The following MYO3B variants were observed in gnomAD, a reference collection of about 807,000 sequenced individuals.
MYO3B encodes the protein myosin-IIIb.
In MYO3B, 156 loss-of-function variants were observed where a neutral mutation model predicts 174.6. The ratio of observed to expected loss-of-function variants is 0.89; its 90% CI spans 0.78 to 1.02. The LOEUF (loss-of-function observed/expected upper bound fraction) is 1.02, where lower values mean the gene tolerates loss of function less well. Ranked by LOEUF, MYO3B falls within the 50% of genes least tolerant of loss-of-function variation. The probability of loss-of-function intolerance (pLI) is 0.00; values close to 1 mark genes in which losing one functional copy is unlikely to be tolerated. For missense variants in MYO3B, 1,632 were observed against 1,639.4 expected, an observed-to-expected ratio of 1.00 and a Z score of 0.08; for synonymous variants, 563 against 569.1, an observed-to-expected ratio of 0.99 and a Z score of 0.15.
intron 1 of MYO3B, among the ~76,000 whole-genome samples, chr2:170,183,203 G>C (rs2092424502): frequency 6.6e-6 from 1 of 152,112 alleles, no homozygotes; most frequent in Non-Finnish European, 1.5e-5. Context: ...GTTGCAGTGA[G>C]CTGAGATCAC....
At chr2:170,516,368 G>A (rs976359505) in intron 29 of MYO3B, among the ~76,000 whole-genome samples, 6 of 151,840 alleles carry the variant, frequency 4.0e-5, no homozygotes, top group Admixed American at 1.3e-4. Flanking sequence ...AGAGATGGGC[G>A]CGGTGGCTCA....
chr2:170,648,725 A>ATATTCTAT (rs1559199981), intron 32 of MYO3B, among the ~76,000 whole-genome samples: 1 of 29,998 alleles, frequency 3.3e-5, no homozygotes, highest in African/African-American at 7.9e-5. Context: ...ATAATATGTA[A>ATATTCTAT]AATATATATT....
intron 32 of MYO3B, among the ~76,000 whole-genome samples, chr2:170,607,240 A>G (rs1200781610): frequency 6.6e-6 from 1 of 152,216 alleles, no homozygotes; most frequent in Non-Finnish European, 1.5e-5. Context: ...AAGTGTACAT[A>G]TTTAGTTTAA....
At chr2:170,323,961 G>A (rs2093847089) in intron 7 of MYO3B, among the ~76,000 whole-genome samples, 1 of 152,180 alleles carries the variant, frequency 6.6e-6, no homozygotes, top group Admixed American at 6.5e-5. Flanking sequence ...TAGCACTCAT[G>A]ACTGAGTTGG....
At chr2:170,201,718 AC>A (rs1235462924) in intron 3 of MYO3B, among the ~76,000 whole-genome samples, 1 of 60,504 alleles carries the variant, frequency 1.7e-5, no homozygotes, top group Non-Finnish European at 3.5e-5. Context: ...CCCCACCCCC[AC>A]CCCAAGAATA....
chr2:170,603,222 C>T (rs1462120808), intron 32 of MYO3B, among the ~76,000 whole-genome samples: 1 of 152,108 alleles, frequency 6.6e-6, no homozygotes, highest in Non-Finnish European at 1.5e-5. Flanking sequence ...TTACTTAGGT[C>T]CATGAAATCC....
chr2:170,329,889 A>C (rs948233338), intron 7 of MYO3B, among the ~76,000 whole-genome samples: 2 of 152,224 alleles, frequency 1.3e-5, no homozygotes, highest in Admixed American at 6.5e-5. Flanking sequence ...ACCAATTGTA[A>C]TCAGAATGGC....
At chr2:170,226,701 G>A (rs1214970078) in intron 6 of MYO3B, among the ~76,000 whole-genome samples, 1 of 152,106 alleles carries the variant, frequency 6.6e-6, no homozygotes, top group African/African-American at 2.4e-5. Context: ...CTATCTGAGG[G>A]CTTTAGATCC....
intron 32 of MYO3B, among the ~76,000 whole-genome samples, chr2:170,574,025 A>C (rs150680335): frequency 0.024 from 3,608 of 152,282 alleles, 66 homozygotes; most frequent in East Asian, 0.047. Context: ...GAGGGCCAAG[A>C]AAGCAAAATG....
At chr2:170,218,870 C>G (rs530256105) in intron 6 of MYO3B, among the ~76,000 whole-genome samples, 1 of 152,302 alleles carries the variant, frequency 6.6e-6, no homozygotes, top group East Asian at 1.9e-4. Flanking sequence ...GTGAATCCCA[C>G]TTTGAGAAGC....
intron 32 of MYO3B, among the ~76,000 whole-genome samples, chr2:170,651,219 T>A (rs1698989106): frequency 6.6e-6 from 1 of 152,220 alleles, no homozygotes; most frequent in Non-Finnish European, 1.5e-5. Flanking sequence ...CAAGAGTATG[T>A]GTGCTCCAGA....
intron 32 of MYO3B, among the ~76,000 whole-genome samples, chr2:170,640,185 C>T (rs1359200076): frequency 6.6e-6 from 1 of 152,146 alleles, no homozygotes; most frequent in Non-Finnish European, 1.5e-5. Context: ...GAACCCTACC[C>T]CTGACCAATT....
chr2:170,622,288 C>A (rs1695989973), intron 32 of MYO3B, among the ~76,000 whole-genome samples: 1 of 152,122 alleles, frequency 6.6e-6, no homozygotes, highest in African/African-American at 2.4e-5. Context: ...TGCCTTAATC[C>A]TTTCACAATG....
chr2:170,361,333 T>C (rs1328506769), intron 8 of MYO3B, among the ~76,000 whole-genome samples: 1 of 152,048 alleles, frequency 6.6e-6, no homozygotes, highest in Non-Finnish European at 1.5e-5. Context: ...ATGGGTGGAG[T>C]TGCCTGGAGA....
intron 8 of MYO3B, chr2:170,338,145 T>A (rs915759764): frequency 6.6e-6 from 1 of 152,216 alleles, no homozygotes. Context: ...TCATTCTGAG[T>A]TGCAAAAGGT....
intron 32 of MYO3B, among the ~76,000 whole-genome samples, chr2:170,605,385 T>C (rs527752970): frequency 5.6e-4 from 85 of 152,286 alleles, no homozygotes; most frequent in African/African-American, 1.9e-3. Context: ...ATGCCCCAGT[T>C]CATATGTCCA....
At chr2:170,230,336 A>ATTTTTTTTTTTTTTT (rs60171555) in intron 6 of MYO3B, among the ~76,000 whole-genome samples, 1 of 64,722 alleles carries the variant, frequency 1.5e-5, no homozygotes, top group African/African-American at 6.8e-5. Context: ...CGCCTGGCTA[A>ATTTTTTTTTTTTTTT]TTTTTTTTTT....
At chr2:170,597,039 C>T (rs1411118333) in intron 32 of MYO3B, among the ~76,000 whole-genome samples, 1 of 152,066 alleles carries the variant, frequency 6.6e-6, no homozygotes, top group East Asian at 1.9e-4. Context: ...CCAACATTTA[C>T]CTTGCCCTAC....
At chr2:170,501,755 C>T (rs758832291) in intron 27 of MYO3B, 30 bp from the exon 28 acceptor site, 1 of 1,472,408 alleles carries the variant, frequency 6.8e-7, no homozygotes, top group Non-Finnish European at 9.5e-7. Context: ...AAATTAATGT[C>T]ATTCCTAGCA....
Sources: gnomAD v4.1 joint callset for allele counts (sites outside exome capture counted in the v4.1 genomes callset) on GRCh38, gnomAD v4.1.1 for gene constraint, MANE v1.5 for transcripts, NCBI Gene and HGNC (gene_info 2026-07-23, HGNC 2026-07-21) for gene names.